Variants in CAMTA1 observed in about 807,000 individuals in gnomAD.
CAMTA1 encodes the protein calmodulin binding transcription activator 1, also known as calmodulin-binding transcription activator 1.
CAMTA1 carries 27 observed loss-of-function variants against 170.9 expected under a neutral mutation model. That is an observed-to-expected ratio of 0.16 (90% CI 0.12 to 0.22). The LOEUF (loss-of-function observed/expected upper bound fraction) is 0.22, where lower values mean the gene tolerates loss of function less well. Among genes scored for constraint, CAMTA1 ranks in the 10% least tolerant of loss-of-function variants. The pLI, the probability that CAMTA1 is intolerant of heterozygous loss-of-function variation, is 1.00. For missense variants in CAMTA1, 1,619 were observed against 2,217.2 expected (o/e 0.73, Z 5.42); for synonymous variants, 833 against 891.5 (o/e 0.93, Z 1.17).
chr1:7,004,736 TTTTTCAATG>T (rs1400747430), intron 3 of CAMTA1, among the ~76,000 whole-genome samples: 1 of 152,182 alleles, frequency 6.6e-6, no homozygotes, highest in Non-Finnish European at 1.5e-5. Flanking sequence ...CTTTTTCAAT[TTTTTCAATG>T]TTTCCTATTT....
At chr1:7,514,640 T>G (rs2094254094) in intron 6 of CAMTA1, among the ~76,000 whole-genome samples, 1 of 152,208 alleles carries the variant, frequency 6.6e-6, no homozygotes, top group African/African-American at 2.4e-5. Flanking sequence ...GTGCCCAGAC[T>G]GCAGGGTAAG....
intron 6 of CAMTA1, among the ~76,000 whole-genome samples, chr1:7,556,836 T>C (rs967271255): frequency 6.6e-6 from 1 of 152,034 alleles, no homozygotes; most frequent in Admixed American, 6.6e-5. Context: ...GCCACCCCAC[T>C]CAGAGTGAGC....
In CAMTA1 at chr1:7,249,208, C is replaced by G. The variant is rs1402738115; in HGVS notation, c.303-283C>G. ...TACTTTTCAGTGCAGAGCTCAGGCC[C>G]CCACATCGTATATCCTGATTACTTT... On this transcript the variant is annotated intron_variant, in intron 4 of 22. Coordinates refer to ENST00000303635, the MANE Select transcript of CAMTA1 (RefSeq NM_015215.4). This position sits in a 1 kb window ranked among gnomAD's most constrained non-coding sequence, Gnocchi z 4.4. Among the ~76,000 whole-genome samples the G allele has an allele frequency of 6.6e-6, 1 of 152,048 alleles. No individual in the cohort carries two copies. The highest frequency in any genetic ancestry group is 1.5e-5 in the Non-Finnish European group (1 of 68,018).
chr1:6,952,798 T>C lies in CAMTA1; in HGVS notation c.234+127588T>C, dbSNP rs142958696. ...GCAGTGAGCCGAGATAACGCCACTG[T>C]ACTCCAGCCTGGGCGACAAAGCAAG... On this transcript the variant is annotated intron_variant, in intron 3 of 22. Coordinates refer to ENST00000303635, the MANE Select transcript of CAMTA1 (RefSeq NM_015215.4). Among the ~76,000 whole-genome samples the C allele has an allele frequency of 1.6e-4, 25 of 152,074 alleles. No homozygotes were observed. The East Asian group carries it at 4.5e-3, about 27-fold the overall frequency.
intron 3 of CAMTA1, among the ~76,000 whole-genome samples, chr1:6,902,521 G>C (rs1415052642): frequency 6.6e-6 from 1 of 152,210 alleles, no homozygotes; most frequent in Non-Finnish European, 1.5e-5. Context: ...AACATCAGTG[G>C]TTGCTGTGGA....
Position 7,101,703 on chromosome 1 carries a change from G to A in CAMTA1, c.302+10332G>A, listed in dbSNP as rs145043016. ...TGTAGACACATATGTGCGTGCTGTGGCACATAGAACCATACACGTGCACAT... is the reference window on the plus strand; with the variant it reads ...TGTAGACACATATGTGCGTGCTGTGACACATAGAACCATACACGTGCACAT... On this transcript the variant is annotated intron_variant, in intron 4 of 22. Coordinates refer to ENST00000303635, the MANE Select transcript of CAMTA1 (RefSeq NM_015215.4). Among the ~76,000 whole-genome samples, 16 of 152,206 alleles carry A rather than the reference G, an allele frequency of 1.1e-4. 1 individual carries two copies. In the South Asian group the frequency reaches 1.9e-3, roughly 18 times the overall value.
intron 3 of CAMTA1, among the ~76,000 whole-genome samples, chr1:6,982,157 C>A (rs1478352622): frequency 6.6e-6 from 1 of 151,990 alleles, no homozygotes. Context: ...TGCTTTTCTC[C>A]CTAGAGCACA....
chr1:7,657,237 C>A (rs546310227), intron 7 of CAMTA1, among the ~76,000 whole-genome samples: 1 of 152,308 alleles, frequency 6.6e-6, no homozygotes, highest in Admixed American at 6.5e-5. Context: ...ACCCAGCCTT[C>A]CTAGGGATAC....
At chr1:6,838,422 G>A (rs749112046) in intron 3 of CAMTA1, among the ~76,000 whole-genome samples, 10 of 152,170 alleles carry the variant, frequency 6.6e-5, no homozygotes, top group Non-Finnish European at 1.3e-4. Flanking sequence ...CAGGAAGCCA[G>A]CATGTCCCCT....
intron 5 of CAMTA1, among the ~76,000 whole-genome samples, chr1:7,422,484 AC>A (rs2091629968): frequency 6.6e-6 from 1 of 151,530 alleles, no homozygotes; most frequent in African/African-American, 2.4e-5. Flanking sequence ...CAATGGCCAG[AC>A]CCCCTCTGTG....
At chr1:7,558,978 C>T (rs551813368) in intron 6 of CAMTA1, among the ~76,000 whole-genome samples, 1 of 152,204 alleles carries the variant, frequency 6.6e-6, no homozygotes, top group African/African-American at 2.4e-5. Context: ...GGACCCCCGT[C>T]CCCCCTGCCT....
rs185215442 is a variant in CAMTA1 at position 7,451,881 on chromosome 1, C to G, written c.439-15949C>G. Among the ~76,000 whole-genome samples, 385 of 152,276 alleles carry G rather than the reference C, an allele frequency of 2.5e-3. 2 individuals carry two copies. The highest frequency in any genetic ancestry group is 0.014 in the Middle Eastern group (4 of 294). ...GCTCTGCTGGGCCGCGTGTGCAGAC[C>G]CAGGGATGCAGAAATACATGAAAGG... On this transcript the variant is annotated intron_variant, in intron 5 of 22. Coordinates refer to ENST00000303635, the MANE Select transcript of CAMTA1 (RefSeq NM_015215.4).
Position 7,218,177 on chromosome 1 carries a change from C to A in CAMTA1, c.303-31314C>A, listed in dbSNP as rs77552598. On this transcript the variant is annotated intron_variant, in intron 4 of 22. Transcript: ENST00000303635. Reference sequence around the variant, plus strand: ...GAAGGCTGACAACTGTCTCTGTTGCCCTTATAGTAAGTTATTTGATCTTTT... The same window carrying A: ...GAAGGCTGACAACTGTCTCTGTTGCACTTATAGTAAGTTATTTGATCTTTT... Among the ~76,000 whole-genome samples, 285 of 152,236 alleles carry A rather than the reference C, an allele frequency of 1.9e-3. 1 individual carries two copies. The highest frequency in any genetic ancestry group is 6.5e-3 in the African/African-American group (268 of 41,546).
intron 4 of CAMTA1, among the ~76,000 whole-genome samples, chr1:7,180,371 T>A (rs1466459939): frequency 6.6e-6 from 1 of 151,368 alleles, no homozygotes; most frequent in Non-Finnish European, 1.5e-5. Context: ...AAAAAAAAAA[T>A]TATGAGATTA....
intron 4 of CAMTA1, among the ~76,000 whole-genome samples, chr1:7,231,561 C>T (rs1412507601): frequency 1.3e-5 from 2 of 151,932 alleles, no homozygotes; most frequent in African/African-American, 2.4e-5. Flanking sequence ...TTGGTGGAGG[C>T]GGGGTTTCAC....
chr1:7,671,067 G>C, intron 10 of CAMTA1, 30 bp downstream of exon 10: 1 of 1,610,712 alleles, frequency 6.2e-7, no homozygotes, highest in East Asian at 2.2e-5. Context: ...GGCCCCCAAG[G>C]TGAGTGTGAT....
chr1:6,861,103 A>G (rs1462837022), intron 3 of CAMTA1, among the ~76,000 whole-genome samples: 1 of 151,632 alleles, frequency 6.6e-6, no homozygotes, highest in East Asian at 2.0e-4. Flanking sequence ...TAGCAGGCAC[A>G]TGCCACCACG....
intron 11 of CAMTA1, among the ~76,000 whole-genome samples, chr1:7,686,816 G>A (rs2096262723): frequency 6.6e-6 from 1 of 152,140 alleles, no homozygotes; most frequent in Non-Finnish European, 1.5e-5. Flanking sequence ...GTTTGGAGGT[G>A]AAGTGAAGGG....
intron 5 of CAMTA1, among the ~76,000 whole-genome samples, chr1:7,273,406 C>T (rs1670133120): frequency 1.3e-5 from 2 of 152,150 alleles, no homozygotes; most frequent in Admixed American, 1.3e-4. Context: ...AGGAATGAGG[C>T]ACTGATAACA....
Sources: allele counts gnomAD v4.1 joint callset (sites outside exome capture counted in the v4.1 genomes callset), GRCh38; gene constraint gnomAD v4.1.1; non-coding constraint Gnocchi (gnomAD v3.1); transcripts MANE v1.5; gene names NCBI Gene and HGNC (gene_info 2026-07-23, HGNC 2026-07-21).